Variants in RTF2 observed in about 807,000 individuals in gnomAD.
RTF2 encodes replication termination factor 2.
A neutral mutation model predicts 38.0 loss-of-function variants in RTF2; 18 were observed. The observed-to-expected ratio is 0.47, with a 90% CI of 0.33 to 0.70. The LOEUF is 0.70. RTF2 is among the 30% of genes least tolerant of loss of function. The pLI is 0.02. For synonymous variants in RTF2, 126 were observed against 137.1 expected (o/e 0.92, Z 0.57); for missense variants, 311 against 379.6 (o/e 0.82, Z 1.50).
chr20:56,471,050 C>T (rs1241457343), intron 1 of RTF2: 2 of 187,540 alleles, frequency 1.1e-5, no homozygotes, highest in Admixed American at 5.2e-5. Context: ...CAGGTGACAA[C>T]TTGAACTTGT....
chr20:56,507,116 A>T (rs1984330981), intron 5 of RTF2, among the ~76,000 whole-genome samples: 1 of 152,152 alleles, frequency 6.6e-6, no homozygotes, highest in South Asian at 2.1e-4. Flanking sequence ...CAATAGCAGT[A>T]CTCAAGAAAA....
chr20:56,474,100 G>A (rs1224455344), intron 2 of RTF2, among the ~76,000 whole-genome samples: 2 of 152,066 alleles, frequency 1.3e-5, no homozygotes, highest in South Asian at 2.1e-4. Flanking sequence ...GAAGAAATAC[G>A]TACTTATACG....
At chr20:56,477,882 A>T (rs1006661225) in intron 4 of RTF2, among the ~76,000 whole-genome samples, 2 of 152,236 alleles carry the variant, frequency 1.3e-5, no homozygotes, top group African/African-American at 4.8e-5. Context: ...GCTCAAAAAC[A>T]TGGTAATTTG....
chr20:56,494,040 G>A (rs1983346788), intron 5 of RTF2, among the ~76,000 whole-genome samples: 1 of 152,110 alleles, frequency 6.6e-6, no homozygotes. Flanking sequence ...ATCAGTAAAG[G>A]GTGAATAATG....
intron 6 of RTF2, chr20:56,515,936 C>T (rs1261959107): frequency 6.6e-6 from 1 of 152,208 alleles, no homozygotes; most frequent in Non-Finnish European, 1.5e-5. Context: ...ATAACATTTC[C>T]TCTCTAACTC....
Position 56,518,292 on chromosome 20 carries a change from C to G in RTF2, c.*27C>G. ...GCCCGCACTGCCACCGCTCCTGCCCCAGAAGGTTGTTTAGTTTCCACGTAG... is the reference window on the plus strand; with the variant it reads ...GCCCGCACTGCCACCGCTCCTGCCCGAGAAGGTTGTTTAGTTTCCACGTAG... On this transcript the variant is annotated 3_prime_UTR_variant, in exon 9 of 9. Transcript: ENST00000357348. The G allele has an allele frequency of 6.3e-7, 1 of 1,596,950 alleles. No homozygotes were observed. Among genetic ancestry groups the G allele is most frequent in the Non-Finnish European group, 8.5e-7 (1 of 1,173,196 alleles).
chr20:56,477,723 GC>G (rs1462864746), intron 4 of RTF2, among the ~76,000 whole-genome samples: 1 of 152,062 alleles, frequency 6.6e-6, no homozygotes, highest in Admixed American at 6.6e-5. Context: ...TCCCTATGTT[GC>G]CCAGGCTGGA....
intron 6 of RTF2, among the ~76,000 whole-genome samples, chr20:56,514,743 G>A (rs551890022): frequency 1.3e-5 from 2 of 152,268 alleles, no homozygotes; most frequent in South Asian, 2.1e-4. Flanking sequence ...TCCCTTCATC[G>A]TTTTACTTAG....
intron 6 of RTF2, among the ~76,000 whole-genome samples, chr20:56,514,837 G>T (rs1303042579): frequency 6.6e-6 from 1 of 152,148 alleles, no homozygotes; most frequent in Non-Finnish European, 1.5e-5. Flanking sequence ...GAAATACTCC[G>T]TGGAGCAATA....
chr20:56,488,253 T>C (rs1982898159), intron 5 of RTF2, among the ~76,000 whole-genome samples: 1 of 151,968 alleles, frequency 6.6e-6, no homozygotes. Flanking sequence ...CCGAACTACT[T>C]AGGAGACTGA....
At chr20:56,506,716 T>A (rs191953620) in intron 5 of RTF2, among the ~76,000 whole-genome samples, 377 of 152,252 alleles carry the variant, frequency 2.5e-3, no homozygotes, top group Non-Finnish European at 4.0e-3. Flanking sequence ...TTTTTTTTTT[T>A]GAGAGAGAGA....
intron 5 of RTF2, chr20:56,496,810 C>G: frequency 6.4e-7 from 1 of 1,551,946 alleles, no homozygotes; most frequent in South Asian, 1.2e-5. Flanking sequence ...GGTGGTTTGT[C>G]TTTGAATCTG....
At chr20:56,486,328 TTC>T (rs1379498838) in intron 5 of RTF2, among the ~76,000 whole-genome samples, 1 of 152,208 alleles carries the variant, frequency 6.6e-6, no homozygotes, top group African/African-American at 2.4e-5. Context: ...AGAGTACTGT[TTC>T]TCTATATTTA....
intron 5 of RTF2, chr20:56,496,583 A>G (rs6069763): frequency 0.42 from 604,165 of 1,444,300 alleles, 131,994 homozygotes; most frequent in Non-Finnish European, 0.45. Context: ...CAATCAATCT[A>G]TCTGCTGCTG....
intron 5 of RTF2, among the ~76,000 whole-genome samples, chr20:56,492,953 G>A (rs1156668889): frequency 1.3e-5 from 2 of 152,120 alleles, no homozygotes; most frequent in Admixed American, 1.3e-4. Flanking sequence ...CGAGGCGGGT[G>A]GATCACGAGG....
intron 5 of RTF2, among the ~76,000 whole-genome samples, chr20:56,502,038 T>C (rs960821968): frequency 5.3e-5 from 8 of 152,218 alleles, no homozygotes; most frequent in Admixed American, 2.0e-4. Context: ...ATGTATATAG[T>C]GTACAGTGGA....
intron 4 of RTF2, among the ~76,000 whole-genome samples, chr20:56,481,428 T>A (rs749492407): frequency 1.3e-5 from 2 of 152,210 alleles, no homozygotes; most frequent in African/African-American, 4.8e-5. Context: ...AAGTACAGTT[T>A]AGGGTCCAAG....
In RTF2 at chr20:56,473,299, A is replaced by G; in HGVS notation, c.70-2A>G. 1.9e-6 allele frequency: 3 copies of G among 1,609,676 alleles called. No individual in the cohort carries two copies. The highest frequency in any genetic ancestry group is 2.5e-6 in the Non-Finnish European group (3 of 1,176,858). ...TTAATTGAATTTTTTGTTTTTTATT[A>G]GGTCGACAAAGATGCTGAATTAGTG... On this transcript the variant is annotated splice_acceptor_variant, in intron 1 of 8. Coordinates refer to ENST00000357348, the MANE Select transcript of RTF2 (RefSeq NM_016407.5). LOFTEE classifies it high-confidence loss of function.
chr20:56,494,138 G>T (rs536089840), intron 5 of RTF2, among the ~76,000 whole-genome samples: 1 of 152,332 alleles, frequency 6.6e-6, no homozygotes, highest in African/African-American at 2.4e-5. Flanking sequence ...ACACACCAGG[G>T]CTTGGCCTAC....
Sources: allele counts gnomAD v4.1 joint callset (sites outside exome capture counted in the v4.1 genomes callset), GRCh38; gene constraint gnomAD v4.1.1; transcripts MANE v1.5; gene names NCBI Gene and HGNC (gene_info 2026-07-23, HGNC 2026-07-21).